Variants in CD9 observed in about 807,000 individuals in gnomAD.
CD9 encodes CD9 molecule.
In CD9, 10 loss-of-function variants were observed where a neutral mutation model predicts 31.4. That is an observed-to-expected ratio of 0.32 (90% CI 0.20 to 0.54). The LOEUF is 0.54. Among genes scored for constraint, CD9 ranks in the 20% least tolerant of loss-of-function variants. CD9 has a pLI of 0.94. For missense variants in CD9, 259 were observed against 300.1 expected, an observed-to-expected ratio of 0.86 and a Z score of 1.01; for synonymous variants, 113 against 114.1, an observed-to-expected ratio of 0.99 and a Z score of 0.06.
rs993770655 is a variant in CD9 at position 6,230,158 on chromosome 12, T to C, written c.176-2474T>C. 4.6e-5 allele frequency among the ~76,000 whole-genome samples: 7 copies of C among 152,180 alleles called. No individual in the cohort carries two copies. In the South Asian group the frequency reaches 6.2e-4, roughly 13 times the overall value. Reference sequence around the variant, plus strand: ...ATGAGCTGTCCTGTAGCTTGCCGGCTGCTGCTGAGTCCCCGAACACAGCTG... The same window carrying C: ...ATGAGCTGTCCTGTAGCTTGCCGGCCGCTGCTGAGTCCCCGAACACAGCTG... On this transcript the variant is annotated intron_variant, in intron 2 of 7. Transcript: ENST00000009180.
intron 1 of CD9, among the ~76,000 whole-genome samples, chr12:6,223,261 C>CTT (rs11307227): frequency 1.5e-5 from 2 of 133,218 alleles, no homozygotes; most frequent in Non-Finnish European, 1.6e-5. Context: ...CACCTTTGTA[C>CTT]TTTTTTTTTT....
At chr12:6,219,033 T>C (rs966709275) in intron 1 of CD9, among the ~76,000 whole-genome samples, 2 of 151,922 alleles carry the variant, frequency 1.3e-5, no homozygotes, top group African/African-American at 4.8e-5. Flanking sequence ...GGAGATGGAG[T>C]CTCGCTGTGT....
intron 1 of CD9, among the ~76,000 whole-genome samples, chr12:6,207,013 T>C (rs1946139877): frequency 1.3e-5 from 2 of 151,866 alleles, no homozygotes; most frequent in Non-Finnish European, 2.9e-5. Context: ...CCTCAGCCTC[T>C]CAAGTAGCTG....
At chr12:6,229,838 T>C (rs1565427421) in intron 2 of CD9, among the ~76,000 whole-genome samples, 1 of 151,012 alleles carries the variant, frequency 6.6e-6, no homozygotes, top group African/African-American at 2.4e-5. Flanking sequence ...TTTTTTTTTC[T>C]GGGCCTGTAA....
At chr12:6,206,656 C>T (rs542603779) in intron 1 of CD9, among the ~76,000 whole-genome samples, 1 of 152,302 alleles carries the variant, frequency 6.6e-6, no homozygotes, top group East Asian at 1.9e-4. Context: ...TAGAAAGCAA[C>T]ATCCTGTCCC....
chr12:6,217,382 T>A (rs953785205), intron 1 of CD9, among the ~76,000 whole-genome samples: 1 of 151,350 alleles, frequency 6.6e-6, no homozygotes, highest in Non-Finnish European at 1.5e-5. Context: ...AAAAAAAAAA[T>A]TAGCCATGTA....
chr12:6,237,293 T>G (rs1946534347), intron 7 of CD9, among the ~76,000 whole-genome samples: 1 of 152,112 alleles, frequency 6.6e-6, no homozygotes, highest in African/African-American at 2.4e-5. Flanking sequence ...ACAATACGTT[T>G]TAAAATAGAA....
At chr12:6,208,148 T>C (rs10849420) in intron 1 of CD9, among the ~76,000 whole-genome samples, 33,359 of 149,544 alleles carry the variant, frequency 0.22, 6,958 homozygotes, top group African/African-American at 0.56. Flanking sequence ...TGCTTGAACC[T>C]GGGAGGCGGC....
intron 2 of CD9, among the ~76,000 whole-genome samples, chr12:6,231,178 G>A (rs1404241947): frequency 6.6e-6 from 1 of 152,144 alleles, no homozygotes; most frequent in African/African-American, 2.4e-5. Flanking sequence ...AGGACAGTAG[G>A]GATACAGCAG....
intron 1 of CD9, among the ~76,000 whole-genome samples, chr12:6,221,976 C>T (rs776891451): frequency 2.0e-5 from 3 of 152,074 alleles, no homozygotes; most frequent in Non-Finnish European, 4.4e-5. Context: ...GCCTGGGTGA[C>T]GAGAGCAAGA....
intron 1 of CD9, among the ~76,000 whole-genome samples, chr12:6,201,977 G>A (rs981967621): frequency 3.3e-5 from 5 of 152,194 alleles, no homozygotes; most frequent in Admixed American, 6.5e-5. Flanking sequence ...GGTCAAGGCT[G>A]CGGTGAGTCA....
chr12:6,206,641 A>T lies in CD9; in HGVS notation c.66+6076A>T, dbSNP rs891612499. On this transcript the variant is annotated intron_variant, in intron 1 of 7. Coordinates refer to ENST00000009180, the MANE Select transcript of CD9 (RefSeq NM_001769.4). ...CATTTTCCATCAAGTGATGGCATGCAGCCGTAGAAAGCAACATCCTGTCCC... is the reference window on the plus strand; with the variant it reads ...CATTTTCCATCAAGTGATGGCATGCTGCCGTAGAAAGCAACATCCTGTCCC... Among the ~76,000 whole-genome samples the T allele has an allele frequency of 5.9e-5, 9 of 152,200 alleles. 1 individual carries two copies. The highest frequency in any genetic ancestry group is 5.2e-4 in the Admixed American group (8 of 15,272).
chr12:6,232,660 C>T lies in CD9; in HGVS notation c.204C>T (p.Ala68=). 2 of 1,580,544 alleles carry T rather than the reference C, an allele frequency of 1.3e-6. No homozygotes were observed. Among genetic ancestry groups the T allele is most frequent in the Non-Finnish European group, 8.6e-7 (1 of 1,165,784 alleles). Residue 68 remains alanine (A), a synonymous_variant, in exon 3 of 8, where the codon GCC becomes GCT. Transcript: ENST00000009180. This position sits in a 1 kb window ranked among gnomAD's most constrained non-coding sequence, Gnocchi z 4.8. ...TCTATATTCTGATCGGAGCCGGCGC[C>T]CTCATGATGCTGGTGGGCTTCCTGG... ...TGVYILIGAG[A]LMMLVGFLGC...
In CD9 at chr12:6,221,951, C is replaced by A. The variant is rs1946297286; in HGVS notation, c.67-3475C>A. Among the ~76,000 whole-genome samples, 6 of 152,180 alleles carry A rather than the reference C, an allele frequency of 3.9e-5. No individual in the cohort carries two copies. In the South Asian group the frequency reaches 1.2e-3, roughly 32 times the overall value. On this transcript the variant is annotated intron_variant, in intron 1 of 7. Transcript: ENST00000009180. ...CCAAGGCTACAGTGAGCTATGATTG[C>A]ACCACTGCACTCCAGCCTGGGTGAC...
intron 1 of CD9, among the ~76,000 whole-genome samples, chr12:6,219,281 C>T (rs1340469050): frequency 3.3e-5 from 5 of 152,170 alleles, no homozygotes; most frequent in African/African-American, 1.2e-4. Context: ...GCTGGGATTA[C>T]AGGCATGAGC....
At chr12:6,225,602 C>A in intron 2 of CD9, 68 bp downstream of exon 2, 2 of 1,001,056 alleles carry the variant, frequency 2.0e-6, no homozygotes, top group Non-Finnish European at 3.2e-6. Flanking sequence ...ACTTTGGAGG[C>A]CCCATGTTGA....
At chr12:6,216,760 CAG>C (rs927417248) in intron 1 of CD9, among the ~76,000 whole-genome samples, 4 of 152,194 alleles carry the variant, frequency 2.6e-5, no homozygotes, top group African/African-American at 9.6e-5. Flanking sequence ...AACCAGGAAA[CAG>C]AACCCCAGTG....
chr12:6,208,097 G>A (rs1202848651), intron 1 of CD9, among the ~76,000 whole-genome samples: 3 of 152,062 alleles, frequency 2.0e-5, no homozygotes, highest in South Asian at 2.1e-4. Context: ...GGTGGCAGGT[G>A]CCTGTAATCC....
Position 6,238,109 on chromosome 12 carries a change from T to A in CD9, c.*281T>A. ...GTTATATTAAGCAGAAATCCTGCAA[T>A]GAAAGGTACTATATTTGCTAGACTC... On this transcript the variant is annotated 3_prime_UTR_variant, in exon 8 of 8. Transcript: ENST00000009180. 1 of 326,736 alleles carries A rather than the reference T, an allele frequency of 3.1e-6. No homozygotes were observed. The highest frequency in any genetic ancestry group is 5.8e-6 in the Non-Finnish European group (1 of 171,522). 20.2% of individuals were successfully genotyped at this position (326,736 alleles called of 1,614,324 possible). A position where few individuals can be genotyped will look rare whatever the true frequency, so the allele number is the denominator to read the frequency against.
Sources: gnomAD v4.1 joint callset for allele counts (sites outside exome capture counted in the v4.1 genomes callset) on GRCh38, gnomAD v4.1.1 for gene constraint, Gnocchi (gnomAD v3.1) non-coding constraint, MANE v1.5 for transcripts, NCBI Gene and HGNC (gene_info 2026-07-23, HGNC 2026-07-21) for gene names.